TOPORS: variants seen among roughly 807,000 people sequenced by gnomAD.
The protein encoded by TOPORS is E3 ubiquitin-protein ligase Topors.
TOPORS carries 25 observed loss-of-function variants against 81.4 expected under a neutral mutation model. The observed-to-expected ratio is 0.31, with a 90% CI of 0.22 to 0.43. The LOEUF (loss-of-function observed/expected upper bound fraction) is 0.43, where lower values mean the gene tolerates loss of function less well. Among genes scored for constraint, TOPORS ranks in the 20% least tolerant of loss-of-function variants. TOPORS has a pLI of 1.00. For missense variants in TOPORS, 1,101 were observed against 1,267.0 expected (o/e 0.87, Z 1.99); for synonymous variants, 473 against 456.6 (o/e 1.04, Z -0.46).
rs745504273 is a variant in TOPORS, at chr9:32,541,522, C to G, written c.3003G>C (p.Glu1001Asp). Residue 1001 changes from glutamate (E) to aspartate (D), a missense_variant, in exon 3 of 3, where the codon GAG (glutamate) becomes GAC (aspartate). Coordinates refer to ENST00000360538, the MANE Select transcript of TOPORS (RefSeq NM_005802.5). ...TCTCCAAATCAGAAACAAAGGTGCTCTCTTCTCTTACATCGAGAGTTTGTT... is the reference window on the plus strand; with the variant it reads ...TCTCCAAATCAGAAACAAAGGTGCTGTCTTCTCTTACATCGAGAGTTTGTT... ...SVEQTLDVRE[E>D]STFVSDLENQ... The G allele has an allele frequency of 4.3e-5, 70 of 1,614,082 alleles. No homozygotes were observed. The highest frequency in any genetic ancestry group is 5.8e-5 in the Non-Finnish European group (69 of 1,180,030).
intron 2 of TOPORS, among the ~76,000 whole-genome samples, chr9:32,546,516 G>A (rs1490074082): frequency 6.6e-6 from 1 of 152,104 alleles, no homozygotes; most frequent in African/African-American, 2.4e-5. Context: ...GGGATTACTG[G>A]ACTTGGAAAA....
chr9:32,541,272 G>T lies in TOPORS; in HGVS notation c.*115C>A. The T allele has an allele frequency of 7.8e-6, 8 of 1,027,296 alleles. No individual in the cohort carries two copies. The highest frequency in any genetic ancestry group is 1.0e-5 in the Non-Finnish European group (7 of 700,520). 63.6% of individuals were successfully genotyped at this position (1,027,296 alleles called of 1,614,324 possible). A position where few individuals can be genotyped will look rare whatever the true frequency, so the allele number is the denominator to read the frequency against. ...CAAAAAAAAAATCATTTAAAATATT[G>T]TAAGGAGGAAGAGAGTTTTCACCAA... On this transcript the variant is annotated 3_prime_UTR_variant, in exon 3 of 3. Coordinates refer to ENST00000360538, the MANE Select transcript of TOPORS (RefSeq NM_005802.5).
At position 32,541,791 on chromosome 9, in the gene TOPORS, T is replaced by C. The variant is rs1030875959; in HGVS notation, c.2734A>G (p.Ser912Gly). The change falls in exon 3 of 3, where the codon AGT becomes GGT. Residue 912 changes from serine to glycine, a missense_variant. Ser to Gly is a moderately conservative substitution (Grantham distance 56, BLOSUM62 0). This residue lies in a region of TOPORS where 605 missense variants were observed against 636.1 expected (regional missense o/e 0.95). Transcript: ENST00000360538. ...SRSPVVITID[S>G]DSDKDSEVKE... The stretch of plus-strand genomic sequence containing the variant: ...ACTTCAGAATCCTTATCACTGTCAC[T>C]GTCAATGGTAATTACAACTGGGGAA... 3.1e-6 allele frequency: 5 copies of C among 1,614,258 alleles called. No individual in the cohort carries two copies. Among genetic ancestry groups the C allele is most frequent in the Non-Finnish European group, 3.4e-6 (4 of 1,180,044 alleles).
chr9:32,542,906 C>T lies in TOPORS; in HGVS notation c.1619G>A (p.Gly540Glu). The T allele has an allele frequency of 6.2e-7, 1 of 1,614,132 alleles. No homozygotes were observed. The highest frequency in any genetic ancestry group is 8.5e-7 in the Non-Finnish European group (1 of 1,180,018). Residue 540 changes from glycine (G) to glutamate (E), a missense_variant, in exon 3 of 3, where the codon GGA becomes GAA. By Grantham distance (98) the Gly-to-Glu change is moderately conservative (BLOSUM62 -2). This residue lies in a region of TOPORS where 605 missense variants were observed against 636.1 expected (regional missense o/e 0.95). Transcript: ENST00000360538. Reference protein sequence around the residue: ...SRCSSPHSVLGKDEQINKGHC... With the variant: ...SRCSSPHSVLEKDEQINKGHC... ...ACCTTTATTTATTTGTTCATCCTTT[C>T]CAAGGACAGAGTGTGGAGATGAGCA...
At position 32,550,777 on chromosome 9, in the gene TOPORS, G is replaced by A. The variant is rs1821227097; in HGVS notation, c.195C>T (p.Ser65=). ...CATTGTTCCGAATCTCACTCACCTC[G>A]GAGGATGCCGGCGCAGGCCTGGCTG... ...SAPARPAPAS[S]EIMASAAKEF... Residue 65 remains serine, a synonymous_variant, in exon 2 of 3, where the codon TCC becomes TCT. Transcript: ENST00000360538. The A allele has an allele frequency of 1.2e-6, 2 of 1,612,898 alleles. No homozygotes were observed. Among genetic ancestry groups the A allele is most frequent in the Non-Finnish European group, 1.7e-6 (2 of 1,179,692 alleles).
chr9:32,550,137 G>T (rs140483017), intron 2 of TOPORS, among the ~76,000 whole-genome samples: 1 of 152,194 alleles, frequency 6.6e-6, no homozygotes, highest in East Asian at 1.9e-4. Context: ...CCTATCAAAA[G>T]GTCTACTCCG....
Position 32,542,667 on chromosome 9 carries a change from CATG to C in TOPORS, c.1855_1857del (p.His619del). The C allele has an allele frequency of 6.2e-7, 1 of 1,614,014 alleles. No individual in the cohort carries two copies. Among genetic ancestry groups the C allele is most frequent in the South Asian group, 1.1e-5 (1 of 91,080 alleles). On this transcript the variant is annotated inframe_deletion, in exon 3 of 3. Transcript: ENST00000360538. ...CGTTTACTTTTCATTCTTTTCTTCC[CATG>C]ATGCTTTCTATGATTCTTCTGATCA...
At chr9:32,551,189 C>T in intron 1 of TOPORS, 1 of 623,538 alleles carries the variant, frequency 1.6e-6, no homozygotes, top group Non-Finnish European at 2.9e-6. Flanking sequence ...CCCTCCCCAT[C>T]TTGTTACTGG....
intron 2 of TOPORS, among the ~76,000 whole-genome samples, chr9:32,550,024 C>T (rs888097567): frequency 6.6e-6 from 1 of 152,198 alleles, no homozygotes; most frequent in African/African-American, 2.4e-5. Flanking sequence ...GATTGTATAG[C>T]TTTCTTTGCA....
intron 2 of TOPORS, among the ~76,000 whole-genome samples, chr9:32,548,189 T>A (rs1164761893): frequency 1.3e-5 from 2 of 151,098 alleles, no homozygotes; most frequent in Admixed American, 1.3e-4. Context: ...AAATACAAAT[T>A]AAGGCATAAA....
At position 32,541,427 on chromosome 9, in the gene TOPORS, A is replaced by G; in HGVS notation, c.3098T>C (p.Leu1033Ser). ...SRQLPSPRTS[L>S]MSVCLGRDCD... ...GTCTCTACCAAGACATACTGACATT[A>G]ATGATGTCCGTGGCGATGGCAATTG... The change falls in exon 3 of 3, where the codon TTA becomes TCA. Residue 1033 changes from leucine (L) to serine (S), a missense_variant. Leu to Ser is a moderately radical substitution (Grantham distance 145, BLOSUM62 -2). This residue lies in a region of TOPORS where 605 missense variants were observed against 636.1 expected (regional missense o/e 0.95). Coordinates refer to ENST00000360538, the MANE Select transcript of TOPORS (RefSeq NM_005802.5). 4 of 1,614,204 alleles carry G rather than the reference A, an allele frequency of 2.5e-6. No individual in the cohort carries two copies. Among genetic ancestry groups the G allele is most frequent in the Non-Finnish European group, 1.7e-6 (2 of 1,180,032 alleles).
Position 32,543,004 on chromosome 9 carries a change from A to G in TOPORS, c.1521T>C (p.Tyr507=). The G allele has an allele frequency of 6.2e-7, 1 of 1,613,988 alleles. No individual in the cohort carries two copies. The highest frequency in any genetic ancestry group is 8.5e-7 in the Non-Finnish European group (1 of 1,179,834). The change falls in exon 3 of 3, where the codon TAT becomes TAC. Residue 507 remains tyrosine, a synonymous_variant. Transcript: ENST00000360538. This position sits in a 1 kb window ranked among gnomAD's most constrained non-coding sequence, Gnocchi z 5.6. ...LSSDSEDLGS[Y]EKMETVKTQE... ...GTGTCTTCACTGTCTCCATTTTCTC[A>G]TAAGAACCTAAGTCCTCAGAATCAG... is the stretch of plus-strand genomic sequence containing the variant.
chr9:32,545,305 C>G (rs1001829534), intron 2 of TOPORS, among the ~76,000 whole-genome samples: 2 of 151,740 alleles, frequency 1.3e-5, no homozygotes, highest in African/African-American at 4.9e-5. Context: ...GGTCCCCTTC[C>G]CTATTATCCT....
Position 32,544,323 on chromosome 9 carries a change from T to A in TOPORS, c.202A>T (p.Met68Leu), listed in dbSNP as rs1443759855. Residue 68 changes from methionine (M) to leucine (L), a missense_variant, in exon 3 of 3, where the codon ATG becomes TTG. By Grantham distance (15) the Met-to-Leu change is conservative. This residue lies in a region of TOPORS where 131 missense variants were observed against 101.0 expected (regional missense o/e 1.30). Coordinates refer to ENST00000360538, the MANE Select transcript of TOPORS (RefSeq NM_005802.5). Reference sequence around the variant, plus strand: ...TTAAATTCCTTAGCAGCTGATGCCATTATCTGTAAAAGGGAAAGAAATATA... The same window carrying A: ...TTAAATTCCTTAGCAGCTGATGCCAATATCTGTAAAAGGGAAAGAAATATA... ...ARPAPASSEI[M>L]ASAAKEFKMD... 1.2e-6 allele frequency: 2 copies of A among 1,600,026 alleles called. No homozygotes were observed. The highest frequency in any genetic ancestry group is 1.7e-6 in the Non-Finnish European group (2 of 1,179,924).
At chr9:32,551,558 C>T (rs1328521571) in intron 1 of TOPORS, 1 of 253,134 alleles carries the variant, frequency 4.0e-6, no homozygotes, top group Non-Finnish European at 8.4e-6. Flanking sequence ...CCTTCCCACT[C>T]CCTGAAATCT....
chr9:32,550,806 C>A lies in TOPORS; in HGVS notation c.166G>T (p.Ala56Ser). 2 of 1,612,554 alleles carry A rather than the reference C, an allele frequency of 1.2e-6. No homozygotes were observed. The highest frequency in any genetic ancestry group is 1.7e-6 in the Non-Finnish European group (2 of 1,179,678). ...GATGCCGGCGCAGGCCTGGCTGGGG[C>A]GCTCGCCGCGAGCTCCCGGCAGCCC... Reference protein sequence around the residue: ...FLGCRELAASAPARPAPASSE... With the variant: ...FLGCRELAASSPARPAPASSE... Residue 56 changes from alanine (A) to serine (S), a missense_variant, in exon 2 of 3, where the codon GCC becomes TCC. Coordinates refer to ENST00000360538, the MANE Select transcript of TOPORS (RefSeq NM_005802.5).
rs1177542067 is a variant in TOPORS at position 32,542,516 on chromosome 9, G to A, written c.2009C>T (p.Ser670Leu). 6.2e-7 allele frequency: 1 copy of A among 1,613,966 alleles called. No individual in the cohort carries two copies. The highest frequency in any genetic ancestry group is 1.7e-5 in the Admixed American group (1 of 60,008). The change falls in exon 3 of 3, where the codon TCA (serine) becomes TTA (leucine). Residue 670 changes from serine (S) to leucine (L), a missense_variant. Ser to Leu is a moderately radical substitution (Grantham distance 145, BLOSUM62 -2). Coordinates refer to ENST00000360538, the MANE Select transcript of TOPORS (RefSeq NM_005802.5). ...ACCATGATCACTGCTACGAGACCTT[G>A]ATCTGCTTGTGCTTTCACTACTTAG... is the stretch of plus-strand genomic sequence containing the variant. ...LSLSSESTSRSRSRSSDHGKR... is the reference protein window; with the variant it reads ...LSLSSESTSRLRSRSSDHGKR...
At chr9:32,547,586 A>G (rs1821156604) in intron 2 of TOPORS, among the ~76,000 whole-genome samples, 1 of 151,162 alleles carries the variant, frequency 6.6e-6, no homozygotes, top group East Asian at 1.9e-4. Flanking sequence ...TAAATGAATG[A>G]AAAAAAAAAT....
chr9:32,550,866 G>A lies in TOPORS; in HGVS notation c.106C>T (p.Leu36Phe). ...GGTCGGTGTCGGCAGGATCCGCGAA[G>A]GCGTACCCGGCGACTTCTCCGCCTA... ...EGRRRSRRVR[L>F]RGSCRHRPSF... Residue 36 changes from leucine to phenylalanine, a missense_variant, in exon 2 of 3, where the codon CTT (leucine) becomes TTT (phenylalanine). By Grantham distance (22) the Leu-to-Phe change is conservative (BLOSUM62 0). Transcript: ENST00000360538. 3 of 1,613,052 alleles carry A rather than the reference G, an allele frequency of 1.9e-6. No individual in the cohort carries two copies. The highest frequency in any genetic ancestry group is 2.5e-6 in the Non-Finnish European group (3 of 1,179,808).
Sources: allele counts gnomAD v4.1 joint callset (sites outside exome capture counted in the v4.1 genomes callset), GRCh38; gene constraint gnomAD v4.1.1; regional missense constraint gnomAD v4.1.1; non-coding constraint Gnocchi (gnomAD v3.1); transcripts MANE v1.5; gene names NCBI Gene and HGNC (gene_info 2026-07-23, HGNC 2026-07-21).